Variants in KAZN observed in about 807,000 individuals in gnomAD.
KAZN encodes the protein kazrin, periplakin interacting protein.
A neutral mutation model predicts 87.4 loss-of-function variants in KAZN; 40 were observed. That is an observed-to-expected ratio of 0.46 (90% CI 0.36 to 0.60). The LOEUF (loss-of-function observed/expected upper bound fraction) is 0.60, where lower values mean the gene tolerates loss of function less well. Among genes scored for constraint, KAZN ranks in the 20% least tolerant of loss-of-function variants. The probability of loss-of-function intolerance (pLI) is 0.00; values close to 1 mark genes in which losing one functional copy is unlikely to be tolerated. For missense variants in KAZN, 898 were observed against 1,073.9 expected (o/e 0.84, Z 2.29); for synonymous variants, 466 against 458.3 (o/e 1.02, Z -0.22).
chr1:13,910,011 G>T (rs963182948), intron 1 of KAZN, among the ~76,000 whole-genome samples: 2 of 152,176 alleles, frequency 1.3e-5, no homozygotes, highest in Admixed American at 1.3e-4. Context: ...GCTGGCATTT[G>T]GACTGGATAC....
chr1:14,284,940 C>G lies in KAZN; in HGVS notation c.249+104348C>G, dbSNP rs150362282. 1.3e-3 allele frequency among the ~76,000 whole-genome samples: 199 copies of G among 152,348 alleles called. 2 individuals are homozygous for G. Among genetic ancestry groups the G allele is most frequent in the Non-Finnish European group, 2.6e-3 (179 of 68,028 alleles). ...AAACACTGGGTCTTTTCTCTGGGCT[C>G]TTGGCAAGTGCCAAGTTAGCATTTG... On this transcript the variant is annotated intron_variant, in intron 2 of 16. Transcript: ENST00000636203.
intron 2 of KAZN, among the ~76,000 whole-genome samples, chr1:14,388,488 G>C (rs1043991421): frequency 1.3e-5 from 2 of 152,172 alleles, no homozygotes; most frequent in Admixed American, 1.3e-4. Context: ...AAACAGTACA[G>C]TACTGGCATA....
At chr1:14,465,590 C>G (rs1668081556) in intron 2 of KAZN, among the ~76,000 whole-genome samples, 1 of 152,014 alleles carries the variant, frequency 6.6e-6, no homozygotes, top group African/African-American at 2.4e-5. Flanking sequence ...GCCCAAATCA[C>G]AAAGCCTCTT....
At chr1:14,172,357 G>C (rs1249977468) in intron 1 of KAZN, among the ~76,000 whole-genome samples, 1 of 152,218 alleles carries the variant, frequency 6.6e-6, no homozygotes, top group Non-Finnish European at 1.5e-5. Context: ...GTGGAGTGGA[G>C]TTGGCTTTTT....
rs114800816 is a variant in KAZN, at chr1:15,024,383, C to T, written c.419-10366C>T. Among the ~76,000 whole-genome samples, 540 of 152,238 alleles carry T rather than the reference C, an allele frequency of 3.5e-3. 1 individual carries two copies. The highest frequency in any genetic ancestry group is 0.012 in the African/African-American group (515 of 41,522). ...GAGGATGGTGGGAAGGAAATGGAGA[C>T]GGTGATACGGTCAACCCTTTTGAAC... On this transcript the variant is annotated intron_variant, in intron 2 of 14. Coordinates refer to ENST00000376030, the MANE Select transcript of KAZN (RefSeq NM_201628.3).
intron 2 of KAZN, among the ~76,000 whole-genome samples, chr1:14,422,185 G>A (rs1435399161): frequency 6.6e-6 from 1 of 152,202 alleles, no homozygotes; most frequent in Non-Finnish European, 1.5e-5. Context: ...TGAATTCTGT[G>A]TTTTGGCTTT....
At chr1:15,086,540 A>G (rs1640266120) in intron 8 of KAZN, among the ~76,000 whole-genome samples, 2 of 152,240 alleles carry the variant, frequency 1.3e-5, no homozygotes, top group Non-Finnish European at 2.9e-5. Context: ...TTCTTCAGGA[A>G]TAAGAAAAGT....
chr1:14,582,013 G>A (rs1309755959), intron 2 of KAZN, among the ~76,000 whole-genome samples: 4 of 151,834 alleles, frequency 2.6e-5, no homozygotes, highest in Admixed American at 6.6e-5. Context: ...TAGAATGTAA[G>A]CTCCAAAAGG....
At chr1:14,426,846 T>C (rs1280615140) in intron 2 of KAZN, among the ~76,000 whole-genome samples, 2 of 152,228 alleles carry the variant, frequency 1.3e-5, no homozygotes, top group Non-Finnish European at 2.9e-5. Context: ...AACCCTGACT[T>C]CAGGGACTGC....
intron 1 of KAZN, among the ~76,000 whole-genome samples, chr1:14,822,083 C>G (rs1186961132): frequency 6.6e-6 from 1 of 152,154 alleles, no homozygotes; most frequent in African/African-American, 2.4e-5. Context: ...CTGGAGTTTC[C>G]TGGTTCCCCA....
At chr1:14,204,883 A>C (rs571769587) in intron 2 of KAZN, among the ~76,000 whole-genome samples, 36 of 152,368 alleles carry the variant, frequency 2.4e-4, no homozygotes, top group Non-Finnish European at 4.9e-4. Flanking sequence ...AGAAGAGGGA[A>C]GTGTACTAGG....
chr1:15,054,292 A>G (rs527688262), intron 4 of KAZN, among the ~76,000 whole-genome samples: 55 of 151,646 alleles, frequency 3.6e-4, no homozygotes, highest in African/African-American at 1.3e-3. Context: ...TTCACCCAAA[A>G]CCTCAGTGCA....
chr1:14,817,493 A>G, intron 1 of KAZN, among the ~76,000 whole-genome samples: 1 of 152,332 alleles, frequency 6.6e-6, no homozygotes, highest in South Asian at 2.1e-4. Flanking sequence ...ATATGGCACA[A>G]ACATTACTAT....
chr1:14,317,557 A>T (rs145938339), intron 2 of KAZN, among the ~76,000 whole-genome samples: 3 of 151,884 alleles, frequency 2.0e-5, no homozygotes, highest in African/African-American at 7.2e-5. Context: ...GCTGAAGTCT[A>T]TTATTTTGCT....
intron 2 of KAZN, among the ~76,000 whole-genome samples, chr1:14,360,038 C>A (rs1659375359): frequency 6.6e-6 from 1 of 152,142 alleles, no homozygotes; most frequent in Non-Finnish European, 1.5e-5. Context: ...TGGAGCTTTC[C>A]AACTTGGTTC....
At chr1:14,214,445 A>C (rs780970485) in intron 2 of KAZN, among the ~76,000 whole-genome samples, 1 of 152,214 alleles carries the variant, frequency 6.6e-6, no homozygotes, top group African/African-American at 2.4e-5. Flanking sequence ...AAAAATCTGC[A>C]GATAACCCCC....
intron 1 of KAZN, among the ~76,000 whole-genome samples, chr1:14,036,525 C>T (rs1430216298): frequency 6.6e-6 from 1 of 151,950 alleles, no homozygotes; most frequent in Non-Finnish European, 1.5e-5. Context: ...ATAAAATAGG[C>T]ACATTGGCTT....
At chr1:14,258,218 C>CTTTTT (rs70997128) in intron 2 of KAZN, among the ~76,000 whole-genome samples, 10 of 126,418 alleles carry the variant, frequency 7.9e-5, no homozygotes, top group South Asian at 2.6e-4. Context: ...TTCTTTCTTT[C>CTTTTT]TTTTTTTTTT....
chr1:14,842,562 G>A (rs1183903103), intron 1 of KAZN, among the ~76,000 whole-genome samples: 1 of 152,114 alleles, frequency 6.6e-6, no homozygotes, highest in Non-Finnish European at 1.5e-5. Context: ...CCACCAGAGT[G>A]TTTATATTTA....
Sources: allele counts gnomAD v4.1 joint callset (sites outside exome capture counted in the v4.1 genomes callset), GRCh38; gene constraint gnomAD v4.1.1; transcripts MANE v1.5; gene names NCBI Gene and HGNC (gene_info 2026-07-23, HGNC 2026-07-21).